NPAS3: variants seen among roughly 807,000 people sequenced by gnomAD.
NPAS3 encodes neuronal PAS domain protein 3, also known as neuronal PAS domain-containing protein 3.
A neutral mutation model predicts 73.1 loss-of-function variants in NPAS3; 14 were observed. The observed-to-expected ratio is 0.19, with a 90% CI of 0.13 to 0.30. The LOEUF is 0.30. NPAS3 is among the 10% of genes least tolerant of loss of function. NPAS3 has a pLI of 1.00. For missense variants in NPAS3, 1,096 were observed against 1,250.0 expected (o/e 0.88, Z 1.86); for synonymous variants, 620 against 541.5 (o/e 1.14, Z -2.01).
chr14:33,767,075 G>A (rs1210073439), intron 7 of NPAS3, among the ~76,000 whole-genome samples: 2 of 152,198 alleles, frequency 1.3e-5, no homozygotes, highest in African/African-American at 4.8e-5. Flanking sequence ...TCTCCATGGC[G>A]CTTGCATCTG....
At chr14:33,122,785 G>A (rs552546739) in intron 2 of NPAS3, among the ~76,000 whole-genome samples, 7 of 152,202 alleles carry the variant, frequency 4.6e-5, no homozygotes, top group African/African-American at 7.2e-5. Flanking sequence ...GGGTCAGCAG[G>A]AGAAACAGAG....
intron 2 of NPAS3, among the ~76,000 whole-genome samples, chr14:33,183,231 G>A (rs2045858460): frequency 6.6e-6 from 1 of 152,012 alleles, no homozygotes; most frequent in Admixed American, 6.5e-5. Context: ...TTCAAGAACA[G>A]CCTGGCCAAC....
At chr14:33,679,084 CAGCCTTCCTTT>C (rs2059857008) in intron 6 of NPAS3, among the ~76,000 whole-genome samples, 1 of 152,130 alleles carries the variant, frequency 6.6e-6, no homozygotes, top group Non-Finnish European at 1.5e-5. Context: ...CTGCCTTCAC[CAGCCTTCCTTT>C]AGCCATCCTT....
rs112725461 is a variant in NPAS3, at chr14:33,529,392, A to AT, written c.469-30724dup. Among the ~76,000 whole-genome samples the AT allele has an allele frequency of 3.9e-4, 60 of 152,100 alleles. 1 individual carries two copies. The highest frequency in any genetic ancestry group is 1.4e-3 in the African/African-American group (58 of 41,510). On this transcript the variant is annotated intron_variant, in intron 4 of 11. Coordinates refer to ENST00000356141, the Ensembl canonical transcript of NPAS3. Reference sequence around the variant, plus strand: ...AGACAAAATAACCTCGTAACAGTGGATTTTTCCTGAGCAGAATCTAGGTTA... The same window carrying AT: ...AGACAAAATAACCTCGTAACAGTGGATTTTTTCCTGAGCAGAATCTAGGTTA...
chr14:33,410,285 A>G (rs1305849543), intron 4 of NPAS3, among the ~76,000 whole-genome samples: 3 of 152,148 alleles, frequency 2.0e-5, no homozygotes, highest in Non-Finnish European at 4.4e-5. Flanking sequence ...AATGCAATAC[A>G]TTTAGCTTAT....
chr14:33,288,772 A>C (rs1380290951), intron 3 of NPAS3, among the ~76,000 whole-genome samples: 1 of 152,118 alleles, frequency 6.6e-6, no homozygotes, highest in Non-Finnish European at 1.5e-5. Context: ...ACTTTTCTGC[A>C]TGCATATCAT....
chr14:33,096,786 C>T lies in NPAS3; in HGVS notation c.140+40792C>T, dbSNP rs182255989. ...AGAATGTTCCAGTAACCTTCTATGA[C>T]GGTCATTCATGACTATGGAAATCTC... On this transcript the variant is annotated intron_variant, in intron 2 of 11. Transcript: ENST00000356141. 4.9e-3 allele frequency among the ~76,000 whole-genome samples: 753 copies of T among 152,256 alleles called. 5 individuals carry two copies. The highest frequency in any genetic ancestry group is 8.5e-3 in the South Asian group (41 of 4,822).
At chr14:33,776,742 A>G (rs1332872110) in intron 8 of NPAS3, among the ~76,000 whole-genome samples, 1 of 151,802 alleles carries the variant, frequency 6.6e-6, no homozygotes, top group Non-Finnish European at 1.5e-5. Flanking sequence ...CCCCTCACCA[A>G]CCTTTTGGAT....
At position 33,686,033 on chromosome 14, in the gene NPAS3, G is replaced by A. The variant is rs975790727; in HGVS notation, c.733+9648G>A. 3.3e-5 allele frequency among the ~76,000 whole-genome samples: 5 copies of A among 152,200 alleles called. No homozygotes were observed. The South Asian group carries it at 1.0e-3, about 32-fold the overall frequency. ...CATAGTCGACAACTAGAGAAGGAAG[G>A]AGGAGATAGTGCTGCTATCCTCAAT... On this transcript the variant is annotated intron_variant, in intron 6 of 11. Transcript: ENST00000356141.
intron 1 of NPAS3, among the ~76,000 whole-genome samples, chr14:33,024,142 ATGTGTG>A (rs5807700): frequency 4.3e-4 from 61 of 143,250 alleles, no homozygotes; most frequent in Non-Finnish European, 6.8e-4. Flanking sequence ...GTGTGTGTAT[ATGTGTG>A]TGTGTGTGTG....
At chr14:33,797,565 C>T (rs144841798) in exon 11 of NPAS3, 2 of 1,614,092 alleles carry the variant, frequency 1.2e-6, no homozygotes, top group Admixed American at 1.7e-5. Flanking sequence ...ACTCTAAAGA[C>T]ACCTCAGGTA....
At chr14:32,955,573 T>A (rs947565684) in intron 1 of NPAS3, among the ~76,000 whole-genome samples, 1 of 152,172 alleles carries the variant, frequency 6.6e-6, no homozygotes, top group Non-Finnish European at 1.5e-5. Context: ...AAATGATGGA[T>A]GATGAAGAAA....
intron 4 of NPAS3, among the ~76,000 whole-genome samples, chr14:33,498,935 AGTGTGTGTGTGTGTGTGTGT>A (rs3058422): frequency 3.3e-4 from 31 of 94,936 alleles, no homozygotes; most frequent in African/African-American, 9.9e-4. Flanking sequence ...ACAGAGAGAG[AGTGTGTGTGTGTGTGTGTGT>A]GTGTGTGTGT....
intron 3 of NPAS3, among the ~76,000 whole-genome samples, chr14:33,220,361 A>T (rs1290193634): frequency 1.3e-5 from 2 of 152,120 alleles, no homozygotes; most frequent in Non-Finnish European, 2.9e-5. Flanking sequence ...TTATTTTGGG[A>T]GTGAGTGCCA....
In NPAS3 at chr14:33,199,351, G is replaced by A. The variant is rs74400308; in HGVS notation, c.141-15831G>A. Among the ~76,000 whole-genome samples, 105 of 152,302 alleles carry A rather than the reference G, an allele frequency of 6.9e-4. 1 individual carries two copies. In the East Asian group the frequency reaches 0.017, roughly 24 times the overall value. On this transcript the variant is annotated intron_variant, in intron 2 of 11. Coordinates refer to ENST00000356141, the Ensembl canonical transcript of NPAS3. The stretch of plus-strand genomic sequence containing the variant: ...GATTACGCATAGACACACAGATCTG[G>A]CAAATGTGAAGGTCTAGGATTCTCT...
At chr14:33,351,983 T>C (rs1380054323) in intron 3 of NPAS3, among the ~76,000 whole-genome samples, 1 of 152,006 alleles carries the variant, frequency 6.6e-6, no homozygotes, top group Non-Finnish European at 1.5e-5. Flanking sequence ...CACCATGGCA[T>C]GTGTATACCT....
intron 1 of NPAS3, among the ~76,000 whole-genome samples, chr14:32,957,150 T>C (rs1278888815): frequency 2.0e-5 from 3 of 152,174 alleles, no homozygotes; most frequent in Non-Finnish European, 4.4e-5. Context: ...GAAAAACATA[T>C]GCCATCTCTA....
intron 4 of NPAS3, among the ~76,000 whole-genome samples, chr14:33,464,704 G>A (rs559808999): frequency 1.8e-4 from 27 of 152,292 alleles, no homozygotes; most frequent in East Asian, 3.9e-4. Context: ...TTCATCGGCC[G>A]TGCATGAGGA....
intron 4 of NPAS3, among the ~76,000 whole-genome samples, chr14:33,521,335 C>T (rs1305273250): frequency 1.3e-5 from 2 of 152,042 alleles, no homozygotes; most frequent in Non-Finnish European, 2.9e-5. Flanking sequence ...GGATATTCTG[C>T]AGGAATCAGT....
Sources: gnomAD v4.1 joint callset for allele counts (sites outside exome capture counted in the v4.1 genomes callset) on GRCh38, gnomAD v4.1.1 for gene constraint, MANE v1.5 for transcripts, NCBI Gene and HGNC (gene_info 2026-07-23, HGNC 2026-07-21) for gene names.